TYR: variants seen among roughly 807,000 people sequenced by gnomAD.
TYR encodes the protein tyrosinase, also known as LB24-AB.
In TYR, 58 loss-of-function variants were observed where a neutral mutation model predicts 51.5. That is an observed-to-expected ratio of 1.13 (90% CI 0.91 to 1.40). The LOEUF (loss-of-function observed/expected upper bound fraction) is 1.40, where lower values mean the gene tolerates loss of function less well. Among genes scored for constraint, TYR ranks in the 40% most tolerant of loss-of-function variants. The pLI, the probability that TYR is intolerant of heterozygous loss-of-function variation, is 0.00. For synonymous variants in TYR, 263 were observed against 235.2 expected, an observed-to-expected ratio of 1.12 and a Z score of -1.08; for missense variants, 732 against 647.4, an observed-to-expected ratio of 1.13 and a Z score of -1.42.
chr11:89,212,889 G>A (rs545892493), intron 2 of TYR, among the ~76,000 whole-genome samples: 3 of 152,192 alleles, frequency 2.0e-5, no homozygotes, highest in Admixed American at 2.0e-4. Context: ...AAATTCAACA[G>A]CTTTTCATGC....
intron 2 of TYR, among the ~76,000 whole-genome samples, chr11:89,215,950 G>C (rs1218371098): frequency 6.6e-6 from 1 of 152,060 alleles, no homozygotes; most frequent in Non-Finnish European, 1.5e-5. Context: ...GAAAACCTCT[G>C]TTACTATATT....
chr11:89,232,116 AAAGT>A (rs1481721364), intron 3 of TYR, among the ~76,000 whole-genome samples: 1 of 143,842 alleles, frequency 7.0e-6, no homozygotes, highest in Non-Finnish European at 1.5e-5. Flanking sequence ...CGAAAAGTAA[AAAGT>A]AAGTATGTGA....
At chr11:89,198,769 A>ATATATATATATATATATAT (rs951676764) in intron 2 of TYR, among the ~76,000 whole-genome samples, 2 of 151,014 alleles carry the variant, frequency 1.3e-5, no homozygotes, top group African/African-American at 4.9e-5. Context: ...ATATATATAT[A>ATATATATATATATATATAT]TTTTTATACT....
intron 4 of TYR, 128 bp downstream of exon 4, chr11:89,285,082 T>A: frequency 1.3e-6 from 1 of 772,378 alleles, no homozygotes. Context: ...TGCATTATAA[T>A]CCTTAATTTA....
intron 4 of TYR, among the ~76,000 whole-genome samples, chr11:89,294,520 T>C (rs1337181090): frequency 6.6e-6 from 1 of 152,102 alleles, no homozygotes; most frequent in Non-Finnish European, 1.5e-5. Flanking sequence ...CGCTCCAGGG[T>C]ACCGCGGCAC....
At chr11:89,269,216 G>A (rs1006289635) in intron 3 of TYR, among the ~76,000 whole-genome samples, 1 of 151,874 alleles carries the variant, frequency 6.6e-6, no homozygotes, top group African/African-American at 2.4e-5. Flanking sequence ...AGGTAAGAGG[G>A]GTGAGGCTTT....
rs1171470656 is a variant in TYR at position 89,245,684 on chromosome 11, A to G, written c.1184+17714A>G. On this transcript the variant is annotated intron_variant, in intron 3 of 4. Coordinates refer to ENST00000263321, the MANE Select transcript of TYR (RefSeq NM_000372.5). ...ACGCCTGTAATCCCAGCACTTTGGG[A>G]GGCCAAGGCGGGCGGATTATGAGGT... 2.0e-5 allele frequency among the ~76,000 whole-genome samples: 3 copies of G among 152,186 alleles called. No individual in the cohort carries two copies. In the East Asian group the frequency reaches 5.8e-4, roughly 29 times the overall value.
intron 2 of TYR, among the ~76,000 whole-genome samples, chr11:89,214,114 G>T (rs1044528540): frequency 6.6e-6 from 1 of 152,170 alleles, no homozygotes; most frequent in African/African-American, 2.4e-5. Context: ...AGATGGTTCT[G>T]CCAGCAAAAG....
intron 3 of TYR, among the ~76,000 whole-genome samples, chr11:89,257,898 A>G (rs1944412865): frequency 6.6e-6 from 1 of 152,046 alleles, no homozygotes; most frequent in South Asian, 2.1e-4. Flanking sequence ...AAAATTCCTC[A>G]AAGAAGGCCT....
rs1382972864 is a variant in TYR, at chr11:89,295,718, T to C, written c.*352T>C. On this transcript the variant is annotated 3_prime_UTR_variant, in exon 5 of 5. Coordinates refer to ENST00000263321, the MANE Select transcript of TYR (RefSeq NM_000372.5). ...ATTATTTAAAGATCTATATATGTTT[T>C]ATTGGCCCCTTCTTTATTTTAATAA... 3 of 249,482 alleles carry C rather than the reference T, an allele frequency of 1.2e-5. No homozygotes were observed. The highest frequency in any genetic ancestry group is 6.9e-5 in the African/African-American group (3 of 43,736). 15.5% of individuals were successfully genotyped at this position (249,482 alleles called of 1,614,324 possible). A position where few individuals can be genotyped will look rare whatever the true frequency, so the allele number is the denominator to read the frequency against.
At chr11:89,250,564 C>T (rs1470249810) in intron 3 of TYR, among the ~76,000 whole-genome samples, 1 of 151,842 alleles carries the variant, frequency 6.6e-6, no homozygotes, top group Non-Finnish European at 1.5e-5. Flanking sequence ...AATTTATTTT[C>T]TCACAATTCT....
intron 2 of TYR, among the ~76,000 whole-genome samples, chr11:89,203,013 A>T (rs1209063368): frequency 6.6e-6 from 1 of 152,174 alleles, no homozygotes; most frequent in African/African-American, 2.4e-5. Context: ...ATATAACATA[A>T]ATAGACTTCT....
At chr11:89,215,499 C>A (rs1004878987) in intron 2 of TYR, among the ~76,000 whole-genome samples, 15 of 151,470 alleles carry the variant, frequency 9.9e-5, no homozygotes, top group African/African-American at 3.4e-4. Flanking sequence ...TGTACATCTA[C>A]CCTAGAACTT....
chr11:89,216,077 T>G (rs753216930), intron 2 of TYR, among the ~76,000 whole-genome samples: 1 of 152,170 alleles, frequency 6.6e-6, no homozygotes, highest in Non-Finnish European at 1.5e-5. Context: ...TGCAGTAAAT[T>G]CAGATTTTGT....
At chr11:89,258,982 T>G (rs1415839391) in intron 3 of TYR, among the ~76,000 whole-genome samples, 1 of 152,096 alleles carries the variant, frequency 6.6e-6, no homozygotes, top group Non-Finnish European at 1.5e-5. Flanking sequence ...GGTAATCTAT[T>G]GCAAAAGTAT....
At chr11:89,189,256 T>C (rs1251559666) in intron 1 of TYR, among the ~76,000 whole-genome samples, 2 of 152,096 alleles carry the variant, frequency 1.3e-5, no homozygotes, top group Non-Finnish European at 2.9e-5. Flanking sequence ...TGAAGCGAAA[T>C]GTATTGTTTT....
intron 2 of TYR, chr11:89,200,606 A>T (rs1279274935): frequency 6.6e-6 from 1 of 151,754 alleles, no homozygotes; most frequent in African/African-American, 2.4e-5. Context: ...TAATTTATTT[A>T]AAAAATTAAT....
intron 2 of TYR, among the ~76,000 whole-genome samples, chr11:89,208,054 G>A (rs80030739): frequency 0.025 from 3,851 of 152,294 alleles, 175 homozygotes; most frequent in African/African-American, 0.089. Context: ...GGATCACGAA[G>A]TCAGGAGATC....
At chr11:89,254,809 T>A (rs1351816233) in intron 3 of TYR, among the ~76,000 whole-genome samples, 4 of 151,878 alleles carry the variant, frequency 2.6e-5, no homozygotes, top group Admixed American at 6.6e-5. Context: ...ATTTCTTTTG[T>A]TTCAATTTCA....
Sources: allele counts gnomAD v4.1 joint callset (sites outside exome capture counted in the v4.1 genomes callset), GRCh38; gene constraint gnomAD v4.1.1; transcripts MANE v1.5; gene names NCBI Gene and HGNC (gene_info 2026-07-23, HGNC 2026-07-21).